ARL6IP6: variants seen among roughly 807,000 people sequenced by gnomAD.
ARL6IP6 encodes the protein ARF like GTPase 6 interacting protein 6, also known as ADP-ribosylation factor-like protein 6-interacting protein 6.
Under a neutral mutation model 21.5 loss-of-function variants are expected in ARL6IP6, and 22 were observed. The observed-to-expected ratio is 1.02, with a 90% CI of 0.73 to 1.46. The LOEUF (loss-of-function observed/expected upper bound fraction) is 1.46, where lower values mean the gene tolerates loss of function less well. Among genes scored for constraint, ARL6IP6 ranks in the 40% most tolerant of loss-of-function variants. ARL6IP6 has a pLI of 0.00. For synonymous variants in ARL6IP6, 164 were observed against 125.3 expected, an observed-to-expected ratio of 1.31 and a Z score of -2.06; for missense variants, 388 against 299.8, an observed-to-expected ratio of 1.29 and a Z score of -2.17.
chr2:152,735,046 C>A lies in ARL6IP6; in HGVS notation c.507C>A (p.Ser169Arg). ...TAACTGCTGGATTCTCCTGTTGCAG[C>A]TTTTCTTGGACAGTGACTTACTTTG... is the stretch of plus-strand genomic sequence containing the variant. ...ISLTAGFSCC[S>R]FSWTVTYFDS... Residue 169 changes from serine (S) to arginine (R), a missense_variant, in exon 3 of 4, where the codon AGC (serine) becomes AGA (arginine). Coordinates refer to ENST00000326446, the MANE Select transcript of ARL6IP6 (RefSeq NM_152522.7). The A allele has an allele frequency of 6.2e-7, 1 of 1,613,328 alleles. No individual in the cohort carries two copies. The highest frequency in any genetic ancestry group is 2.2e-5 in the East Asian group (1 of 44,834).
intron 2 of ARL6IP6, among the ~76,000 whole-genome samples, chr2:152,722,181 C>T (rs1000584473): frequency 6.6e-6 from 1 of 152,182 alleles, no homozygotes; most frequent in African/African-American, 2.4e-5. Flanking sequence ...GTCCTGCTTC[C>T]TTTTCCACTT....
At chr2:152,740,769 A>C (rs1222068481) in intron 3 of ARL6IP6, among the ~76,000 whole-genome samples, 1 of 152,132 alleles carries the variant, frequency 6.6e-6, no homozygotes, top group African/African-American at 2.4e-5. Flanking sequence ...TTGTATTTGT[A>C]CAAAATAATG....
chr2:152,745,449 G>A (rs930756952), intron 3 of ARL6IP6, among the ~76,000 whole-genome samples: 6 of 152,060 alleles, frequency 3.9e-5, no homozygotes, highest in Admixed American at 6.6e-5. Flanking sequence ...AATAATATAC[G>A]AGTGTTACAG....
At chr2:152,746,001 C>CTTTTTGTTTTTTTTTTTTTTTTTTTTTT (rs1701027011) in intron 3 of ARL6IP6, among the ~76,000 whole-genome samples, 1 of 66,380 alleles carries the variant, frequency 1.5e-5, no homozygotes, top group Non-Finnish European at 2.4e-5. Context: ...TGCTTTGTAC[C>CTTTTTGTTTTTTTTTTTTTTTTTTTTTT]TTTTTTTTTT....
At chr2:152,748,115 T>A (rs1701144217) in intron 3 of ARL6IP6, among the ~76,000 whole-genome samples, 1 of 152,164 alleles carries the variant, frequency 6.6e-6, no homozygotes, top group Non-Finnish European at 1.5e-5. Flanking sequence ...GAGTAAAAAG[T>A]AAGAGGCAAA....
At chr2:152,719,052 G>GTCCA (rs781746888) in intron 1 of ARL6IP6, 28 bp downstream of exon 1, 1 of 1,496,954 alleles carries the variant, frequency 6.7e-7, no homozygotes, top group Non-Finnish European at 8.9e-7. Context: ...TTGAAAGTCT[G>GTCCA]TCCAGAGTAA....
chr2:152,755,069 T>C (rs1265018959), intron 3 of ARL6IP6, among the ~76,000 whole-genome samples: 1 of 152,124 alleles, frequency 6.6e-6, no homozygotes, highest in African/African-American at 2.4e-5. Context: ...TCTACAATCA[T>C]AACCTAGGAA....
intron 2 of ARL6IP6, among the ~76,000 whole-genome samples, chr2:152,733,129 G>T (rs981354848): frequency 6.6e-5 from 10 of 152,114 alleles, no homozygotes; most frequent in Non-Finnish European, 1.3e-4. Flanking sequence ...TTAGAATTTA[G>T]TCTGGTATAG....
At chr2:152,718,395 CCCCTTTCCGGCTA>C, upstream of ARL6IP6, 1 of 504,082 alleles carries the variant, frequency 2.0e-6, no homozygotes, top group Non-Finnish European at 3.1e-6. Flanking sequence ...CTTTCCTGCT[CCCCTTTCCGGCTA>C]CAGCCCTGGG....
At chr2:152,745,884 A>G (rs575589938) in intron 3 of ARL6IP6, among the ~76,000 whole-genome samples, 7 of 151,892 alleles carry the variant, frequency 4.6e-5, no homozygotes, top group South Asian at 2.1e-4. Context: ...GATATATTTC[A>G]TTACTGTTCT....
chr2:152,734,058 A>G (rs1394252867), intron 2 of ARL6IP6, among the ~76,000 whole-genome samples: 8 of 152,206 alleles, frequency 5.3e-5, no homozygotes, highest in African/African-American at 1.7e-4. Flanking sequence ...CTGTCTTCCT[A>G]TAACCACAAG....
At chr2:152,723,629 A>G (rs1344080687) in intron 2 of ARL6IP6, among the ~76,000 whole-genome samples, 2 of 152,232 alleles carry the variant, frequency 1.3e-5, no homozygotes, top group Admixed American at 6.5e-5. Flanking sequence ...GCAGAATTTA[A>G]TTGCAATTTA....
chr2:152,732,546 G>A (rs1480455585), intron 2 of ARL6IP6: 5 of 459,552 alleles, frequency 1.1e-5, no homozygotes, highest in African/African-American at 8.1e-5. Flanking sequence ...ATCTGTATTA[G>A]CAGGAAATTT....
chr2:152,718,791 G>A lies in ARL6IP6; in HGVS notation c.167G>A (p.Arg56Gln). ...TGCGACCAAGTGGCCCGCGACCTGC[G>A]GGCGGAGTTCTCGGCTGGGGCGTGG... ...EGCDQVARDL[R>Q]AEFSAGAWSE... is the part of the protein sequence containing the mutation. Residue 56 changes from arginine (R) to glutamine (Q), a missense_variant, in exon 1 of 4, where the codon CGG (arginine) becomes CAG (glutamine). Arg to Gln is a conservative substitution (Grantham distance 43). Coordinates refer to ENST00000326446, the MANE Select transcript of ARL6IP6 (RefSeq NM_152522.7). 3.7e-6 allele frequency: 6 copies of A among 1,607,082 alleles called. No homozygotes were observed. Among genetic ancestry groups the A allele is most frequent in the Non-Finnish European group, 4.2e-6 (5 of 1,176,686 alleles).
At chr2:152,748,932 G>A (rs1315780033) in intron 3 of ARL6IP6, among the ~76,000 whole-genome samples, 1 of 151,990 alleles carries the variant, frequency 6.6e-6, no homozygotes, top group Non-Finnish European at 1.5e-5. Context: ...CAAGAGACCT[G>A]CTCAGTTCTG....
At chr2:152,734,118 A>G (rs1700447838) in intron 2 of ARL6IP6, among the ~76,000 whole-genome samples, 2 of 152,212 alleles carry the variant, frequency 1.3e-5, no homozygotes, top group Non-Finnish European at 2.9e-5. Flanking sequence ...AATAGTATCC[A>G]AAAACCTTTA....
intron 2 of ARL6IP6, among the ~76,000 whole-genome samples, chr2:152,728,640 T>C (rs988077317): frequency 4.0e-4 from 61 of 152,166 alleles, no homozygotes; most frequent in Non-Finnish European, 5.9e-5. Context: ...AAAACAAATA[T>C]ACCCTTAGAT....
chr2:152,726,052 T>C (rs1700032875), intron 2 of ARL6IP6, among the ~76,000 whole-genome samples: 1 of 152,194 alleles, frequency 6.6e-6, no homozygotes, highest in African/African-American at 2.4e-5. Context: ...TGCCCATGAA[T>C]TAATTGTTTA....
chr2:152,721,350 CTT>C (rs372234306), intron 2 of ARL6IP6, among the ~76,000 whole-genome samples: 4 of 146,352 alleles, frequency 2.7e-5, no homozygotes, highest in Admixed American at 6.8e-5. Flanking sequence ...TTATGTGCAG[CTT>C]TTTTTTTTTT....
Sources: allele counts gnomAD v4.1 joint callset (sites outside exome capture counted in the v4.1 genomes callset), GRCh38; gene constraint gnomAD v4.1.1; transcripts MANE v1.5; gene names NCBI Gene and HGNC (gene_info 2026-07-23, HGNC 2026-07-21).